Variants in SREBF2 observed in about 807,000 individuals in gnomAD.
SREBF2 encodes sterol regulatory element-binding protein 2.
Under a neutral mutation model 113.1 loss-of-function variants are expected in SREBF2, and 55 were observed. The observed-to-expected ratio is 0.49, with a 90% confidence interval of 0.39 to 0.61. The LOEUF (loss-of-function observed/expected upper bound fraction) is 0.61, where lower values mean the gene tolerates loss of function less well. Among genes scored for constraint, SREBF2 ranks in the 20% least tolerant of loss-of-function variants. The pLI, the probability that SREBF2 is intolerant of heterozygous loss-of-function variation, is 0.00. For missense variants in SREBF2, 1,349 were observed against 1,487.4 expected, an observed-to-expected ratio of 0.91 and a Z score of 1.53; for synonymous variants, 593 against 605.7, an observed-to-expected ratio of 0.98 and a Z score of 0.31.
At chr22:41,866,505 G>A (rs1435013214) in intron 1 of SREBF2, among the ~76,000 whole-genome samples, 3 of 152,272 alleles carry the variant, frequency 2.0e-5, no homozygotes, top group Admixed American at 1.3e-4. Context: ...AGACAAGTTC[G>A]CGCCACTGCA....
chr22:41,883,933 C>A (rs1171579393), intron 10 of SREBF2, among the ~76,000 whole-genome samples: 2 of 152,114 alleles, frequency 1.3e-5, no homozygotes, highest in African/African-American at 4.8e-5. Flanking sequence ...CTGTGATGGG[C>A]CCTTGTGCCT....
intron 7 of SREBF2, among the ~76,000 whole-genome samples, chr22:41,876,076 G>T (rs2077195473): frequency 6.6e-6 from 1 of 152,208 alleles, no homozygotes; most frequent in South Asian, 2.1e-4. Context: ...AGACCACTTT[G>T]GGAGGCTGAT....
At chr22:41,899,133 G>C (rs2077442170) in intron 15 of SREBF2, 3 of 903,126 alleles carry the variant, frequency 3.3e-6, no homozygotes, top group African/African-American at 3.5e-5. Context: ...GGCAGGCACT[G>C]GTGGTTCACA....
intron 10 of SREBF2, among the ~76,000 whole-genome samples, chr22:41,884,462 A>G (rs1006614890): frequency 3.9e-5 from 6 of 152,164 alleles, no homozygotes; most frequent in African/African-American, 1.4e-4. Context: ...TTTTAATGAA[A>G]ATAAATTCAA....
chr22:41,856,373 G>C (rs1262233856), intron 1 of SREBF2, among the ~76,000 whole-genome samples: 1 of 151,532 alleles, frequency 6.6e-6, no homozygotes, highest in Non-Finnish European at 1.5e-5. Context: ...GAGCGATCTG[G>C]CCACCTCAGC....
intron 1 of SREBF2, among the ~76,000 whole-genome samples, chr22:41,837,050 C>T (rs1286590977): frequency 6.6e-6 from 1 of 152,164 alleles, no homozygotes; most frequent in Non-Finnish European, 1.5e-5. Context: ...TCTTCTCTCT[C>T]ACGAAGCTTA....
chr22:41,848,331 CCCA>C (rs2076897272), intron 1 of SREBF2, among the ~76,000 whole-genome samples: 1 of 152,074 alleles, frequency 6.6e-6, no homozygotes, highest in Non-Finnish European at 1.5e-5. Context: ...TCATGATCCG[CCCA>C]CCGTGGCCTC....
At chr22:41,898,948 T>C in intron 15 of SREBF2, 167 bp downstream of exon 15, 1 of 994,614 alleles carries the variant, frequency 1.0e-6, no homozygotes, top group Non-Finnish European at 1.5e-6. Flanking sequence ...AGAACTCAAG[T>C]TGGGCCAGCA....
In SREBF2 at chr22:41,873,488, T is replaced by G. The variant is rs533668381; in HGVS notation, c.868-310T>G. 1.1e-3 allele frequency among the ~76,000 whole-genome samples: 171 copies of G among 152,306 alleles called. 1 individual carries two copies. Among genetic ancestry groups the G allele is most frequent in the Admixed American group, 1.2e-3 (19 of 15,302 alleles). On this transcript the variant is annotated intron_variant, in intron 4 of 18. Coordinates refer to ENST00000361204, the MANE Select transcript of SREBF2 (RefSeq NM_004599.4). ...ACAACTTTAGAAGTGGTTAACAGTTTGACAGCAAAGCAGAAATCATATGAC... is the reference window on the plus strand; with the variant it reads ...ACAACTTTAGAAGTGGTTAACAGTTGGACAGCAAAGCAGAAATCATATGAC...
chr22:41,875,594 T>G lies in SREBF2; in HGVS notation c.1256T>G (p.Leu419Arg), dbSNP rs750339581. ...LGSLVDNEVD[L>R]KIEDFNQNVL... ...AGTCTGGTGGACAATGAGGTGGACC[T>G]GAAGATCGAGGACTTTAATCAGAAT... The change falls in exon 7 of 19, where the codon CTG (leucine) becomes CGG (arginine). Residue 419 changes from leucine (L) to arginine (R), a missense_variant. Around this residue, in one of 2 missense-constraint regions of SREBF2, gnomAD observed 699 missense variants for 843.3 expected, o/e 0.83. Coordinates refer to ENST00000361204, the MANE Select transcript of SREBF2 (RefSeq NM_004599.4). 1 of 1,614,212 alleles carries G rather than the reference T, an allele frequency of 6.2e-7. No individual in the cohort carries two copies. The highest frequency in any genetic ancestry group is 8.5e-7 in the Non-Finnish European group (1 of 1,180,038).
intron 1 of SREBF2, among the ~76,000 whole-genome samples, chr22:41,853,519 T>C (rs933598083): frequency 1.2e-4 from 19 of 152,234 alleles, no homozygotes; most frequent in Non-Finnish European, 2.5e-4. Flanking sequence ...TTGTGATCCT[T>C]TCACTAACTC....
At chr22:41,864,323 A>ATATAT (rs1445932321) in intron 1 of SREBF2, among the ~76,000 whole-genome samples, 21 of 77,920 alleles carry the variant, frequency 2.7e-4, no homozygotes, top group African/African-American at 1.2e-3. Flanking sequence ...ATATATATAT[A>ATATAT]TTTTTTTTTT....
In SREBF2 at chr22:41,892,126, G is replaced by C. The variant is rs116535205; in HGVS notation, c.2209-991G>C. On this transcript the variant is annotated intron_variant, in intron 11 of 18. Transcript: ENST00000361204. ...TTCTGTAGGGGGCCGCCCTTGCAGG[G>C]CCAGCTTTGTGGGGGGAGTCTCTCA... Among the ~76,000 whole-genome samples, 501 of 152,232 alleles carry C rather than the reference G, an allele frequency of 3.3e-3. 6 individuals are homozygous for C. The highest frequency in any genetic ancestry group is 0.011 in the African/African-American group (472 of 41,544).
At chr22:41,843,070 A>G (rs2076844197) in intron 1 of SREBF2, among the ~76,000 whole-genome samples, 2 of 152,226 alleles carry the variant, frequency 1.3e-5, no homozygotes, top group African/African-American at 2.4e-5. Context: ...TGTTTGCACA[A>G]TGAAGCAGTT....
intron 12 of SREBF2, among the ~76,000 whole-genome samples, chr22:41,893,643 C>T (rs562141138): frequency 2.0e-5 from 3 of 152,276 alleles, no homozygotes; most frequent in African/African-American, 7.2e-5. Flanking sequence ...GTGAGGCTTG[C>T]TTTCCCTGGC....
intron 15 of SREBF2, chr22:41,900,065 T>C (rs896776304): frequency 1.9e-5 from 27 of 1,389,948 alleles, no homozygotes; most frequent in Admixed American, 2.8e-5. Flanking sequence ...TTGGGTGGCT[T>C]CTTAGCAGCA....
intron 10 of SREBF2, among the ~76,000 whole-genome samples, chr22:41,884,242 T>C (rs2077278252): frequency 6.6e-6 from 1 of 152,298 alleles, no homozygotes; most frequent in African/African-American, 2.4e-5. Context: ...CTCAAGCAAT[T>C]CTTCTGCCTC....
At chr22:41,903,593 G>T (rs1044347230) in intron 17 of SREBF2, among the ~76,000 whole-genome samples, 2 of 152,262 alleles carry the variant, frequency 1.3e-5, no homozygotes, top group Non-Finnish European at 2.9e-5. Context: ...CTTGGCAGTG[G>T]CCACGTGATC....
chr22:41,873,557 C>T (rs2077165722), intron 4 of SREBF2: 1 of 545,176 alleles, frequency 1.8e-6, no homozygotes. Context: ...CATATTTAGC[C>T]ATGTTAATCC....
Sources: allele counts gnomAD v4.1 joint callset (sites outside exome capture counted in the v4.1 genomes callset), GRCh38; gene constraint gnomAD v4.1.1; regional missense constraint gnomAD v4.1.1; transcripts MANE v1.5; gene names NCBI Gene and HGNC (gene_info 2026-07-23, HGNC 2026-07-21).